The following LYST variants were observed in gnomAD, a reference collection of about 807,000 sequenced individuals.
The protein encoded by LYST is lysosomal-trafficking regulator.
LYST carries 192 observed loss-of-function variants against 413.6 expected under a neutral mutation model. That is an observed-to-expected ratio of 0.46 (90% CI 0.41 to 0.52). The LOEUF is 0.52. Ranked by LOEUF, LYST falls within the 20% of genes least tolerant of loss-of-function variation. The probability of loss-of-function intolerance (pLI) is 0.00; values close to 1 mark genes in which losing one functional copy is unlikely to be tolerated. For synonymous variants in LYST, 1,525 were observed against 1,567.3 expected (o/e 0.97, Z 0.64); for missense variants, 3,815 against 4,499.9 (o/e 0.85, Z 4.35).
intron 3 of LYST, chr1:235,828,875 T>C: frequency 1.2e-6 from 1 of 859,790 alleles, no homozygotes. Context: ...ATTTAATCAC[T>C]CATTTAACAA....
upstream of LYST, among the ~76,000 whole-genome samples, chr1:235,869,211 G>T (rs948002099): frequency 2.6e-5 from 4 of 152,082 alleles, no homozygotes; most frequent in African/African-American, 9.7e-5. Context: ...AGTGGCTCAC[G>T]CCTGTAATCC....
rs1678966197 is a variant in LYST at position 235,854,756 on chromosome 1, G to C, written c.-98+12087C>G. 6.6e-6 allele frequency among the ~76,000 whole-genome samples: 1 copy of C among 152,010 alleles called. No individual in the cohort carries two copies. The highest frequency in any genetic ancestry group is 1.5e-5 in the Non-Finnish European group (1 of 68,004). On this transcript the variant is annotated intron_variant, in intron 1 of 52. Coordinates refer to ENST00000389793, the MANE Select transcript of LYST (RefSeq NM_000081.4). The surrounding 1 kb of genome is among the most constrained non-coding windows in gnomAD (Gnocchi z 4.1). Reference sequence around the variant, plus strand: ...TATTATCATCATCACCTTGAATCTGGTCCTTCCCCCTAATCTTACACCTAA... The same window carrying C: ...TATTATCATCATCACCTTGAATCTGCTCCTTCCCCCTAATCTTACACCTAA...
intron 3 of LYST, among the ~76,000 whole-genome samples, chr1:235,818,057 G>A (rs529937838): frequency 6.6e-6 from 1 of 152,044 alleles, no homozygotes; most frequent in African/African-American, 2.4e-5. Context: ...CCAGAAATTT[G>A]TCATTTCATG....
intron 40 of LYST, among the ~76,000 whole-genome samples, chr1:235,718,617 C>A (rs776442864): frequency 6.6e-6 from 1 of 152,156 alleles, no homozygotes; most frequent in Non-Finnish European, 1.5e-5. Context: ...GCACTTACAG[C>A]TGAAATACTC....
intron 50 of LYST, among the ~76,000 whole-genome samples, chr1:235,670,376 G>A (rs1324895597): frequency 6.6e-6 from 1 of 152,220 alleles, no homozygotes; most frequent in Non-Finnish European, 1.5e-5. Flanking sequence ...AGAAGTAAAT[G>A]TGCCTTGCTG....
At chr1:235,736,884 A>C (rs1664870267) in intron 31 of LYST, 1 of 152,176 alleles carries the variant, frequency 6.6e-6, no homozygotes. Flanking sequence ...AGAGGGAAAA[A>C]ATAAGAGGAG....
In LYST at chr1:235,662,681, T is replaced by C. The variant is rs1283981470; in HGVS notation, c.*259A>G. The C allele has an allele frequency of 2.0e-6, 1 of 491,526 alleles. No homozygotes were observed. Among genetic ancestry groups the C allele is most frequent in the Non-Finnish European group, 3.7e-6 (1 of 270,216 alleles). The allele number at this position is 491,526 out of a possible 1,614,324, so 30.4% of individuals were successfully genotyped here. On this transcript the variant is annotated 3_prime_UTR_variant, in exon 53 of 53. Coordinates refer to ENST00000389793, the MANE Select transcript of LYST (RefSeq NM_000081.4). ...GGAAAAAATTTTAAGAATATCATTT[T>C]AATGTACCATGCGAGGCTTAAAACT...
intron 23 of LYST, among the ~76,000 whole-genome samples, 154 bp from the exon 24 acceptor site, chr1:235,757,612 A>G (rs1667164002): frequency 1.3e-5 from 2 of 152,186 alleles, no homozygotes; most frequent in South Asian, 4.1e-4. Flanking sequence ...TGATTAACAA[A>G]TTTACCATCA....
chr1:235,697,951 T>G (rs1410175358), intron 45 of LYST, among the ~76,000 whole-genome samples: 2 of 152,166 alleles, frequency 1.3e-5, no homozygotes, highest in Non-Finnish European at 2.9e-5. Context: ...TCTAGAGAGA[T>G]ACCCATTTGG....
At chr1:235,746,637 C>T in intron 28 of LYST, 110 bp from the exon 29 acceptor site, 1 of 757,696 alleles carries the variant, frequency 1.3e-6, no homozygotes, top group Non-Finnish European at 2.3e-6. Flanking sequence ...ACCTTATTTA[C>T]TACAAAGTCA....
At chr1:235,777,520 G>T (rs1294132897) in intron 16 of LYST, among the ~76,000 whole-genome samples, 1 of 152,180 alleles carries the variant, frequency 6.6e-6, no homozygotes, top group African/African-American at 2.4e-5. Context: ...GTGATCAATT[G>T]TATAGATCAC....
intron 50 of LYST, among the ~76,000 whole-genome samples, chr1:235,666,328 A>C (rs1391710749): frequency 6.6e-6 from 1 of 151,414 alleles, no homozygotes; most frequent in African/African-American, 2.4e-5. Context: ...AACCCTGAAA[A>C]CATCATGCTA....
chr1:235,776,968 G>T, intron 17 of LYST, 95 bp downstream of exon 17: 1 of 1,079,914 alleles, frequency 9.3e-7, no homozygotes, highest in Non-Finnish European at 1.4e-6. Flanking sequence ...ATAGTCGAGT[G>T]TAGCTTTTTC....
In LYST at chr1:235,770,162, G is replaced by C. The variant is rs369043065; in HGVS notation, c.5920C>G (p.Gln1974Glu). Residue 1974 changes from glutamine (Q) to glutamate (E), a missense_variant and splice_region_variant, in exon 20 of 53, where the codon CAG (glutamine) becomes GAG (glutamate). Physicochemically the swap from Gln to Glu is conservative, Grantham distance 29. Coordinates refer to ENST00000389793, the MANE Select transcript of LYST (RefSeq NM_000081.4). ...AAGTAAAGTTACATGAAAAGTACCT[G>C]CAAAACCTGACAAGTCAGTAGAAAG... ...HHFLLTCQVL[Q>E]EYKEGQLTPM... The C allele has an allele frequency of 1.7e-5, 27 of 1,612,922 alleles. No homozygotes were observed. The highest frequency in any genetic ancestry group is 1.9e-5 in the Non-Finnish European group (23 of 1,179,596).
At position 235,730,892 on chromosome 1, in the gene LYST, G is replaced by A; in HGVS notation, c.8999C>T (p.Ser3000Phe). 6.2e-7 allele frequency: 1 copy of A among 1,613,772 alleles called. No homozygotes were observed. The highest frequency in any genetic ancestry group is 8.5e-7 in the Non-Finnish European group (1 of 1,179,708). ...TTTGTCTTTGACAGTAGAAGAGAAA[G>A]AAGAATGAGTTTTGTCTTCAAACAG... ...SYLFEDKTHS[S>F]FSSTVKDKAA... is the part of the protein sequence containing the mutation. The change falls in exon 36 of 53, where the codon TCT (serine) becomes TTT (phenylalanine). Residue 3000 changes from serine to phenylalanine, a missense_variant. Physicochemically the swap from Ser to Phe is radical, Grantham distance 155. This residue lies in a region of LYST where 866 missense variants were observed against 1,156.0 expected (regional missense o/e 0.75). Coordinates refer to ENST00000389793, the MANE Select transcript of LYST (RefSeq NM_000081.4).
chr1:235,738,580 G>T (rs1665037578), intron 31 of LYST: 3 of 1,610,328 alleles, frequency 1.9e-6, no homozygotes, highest in Admixed American at 1.7e-5. Context: ...GGGGAACATG[G>T]AGATTCTAGT....
chr1:235,869,365 G>C (rs142715841), upstream of LYST, among the ~76,000 whole-genome samples: 508 of 152,266 alleles, frequency 3.3e-3, 6 homozygotes, highest in African/African-American at 0.012. Flanking sequence ...TCAGCTAATC[G>C]AGAGGCTGAG....
chr1:235,762,788 C>G lies in LYST; in HGVS notation c.6185G>C (p.Gly2062Ala), dbSNP rs756651685. The change falls in exon 22 of 53, where the codon GGA becomes GCA. Residue 2062 changes from glycine to alanine, a missense_variant. Physicochemically the swap from Gly to Ala is moderately conservative, Grantham distance 60. This residue lies in a region of LYST where 530 missense variants were observed against 696.5 expected (regional missense o/e 0.76). Transcript: ENST00000389793. The stretch of plus-strand genomic sequence containing the variant: ...AAATCCAGGGCTCATAAGGGACCTT[C>G]CTCCACTGCTGGAATGCCTCAGGTA... ...IMYLRHSSSG[G>A]RSLMSPGFMV... 21 of 1,612,932 alleles carry G rather than the reference C, an allele frequency of 1.3e-5. No homozygotes were observed. Among genetic ancestry groups the G allele is most frequent in the Non-Finnish European group, 1.7e-5 (20 of 1,179,040 alleles).
At chr1:235,770,877 C>A (rs1668594196) in intron 19 of LYST, among the ~76,000 whole-genome samples, 1 of 152,134 alleles carries the variant, frequency 6.6e-6, no homozygotes, top group Admixed American at 6.5e-5. Context: ...AAATGCTTCT[C>A]CCATATTGAA....
Sources: gnomAD v4.1 joint callset for allele counts (sites outside exome capture counted in the v4.1 genomes callset) on GRCh38, gnomAD v4.1.1 for gene constraint, gnomAD v4.1.1 regional missense constraint, Gnocchi (gnomAD v3.1) non-coding constraint, MANE v1.5 for transcripts, NCBI Gene and HGNC (gene_info 2026-07-23, HGNC 2026-07-21) for gene names.